Variants in TOR3A observed in about 807,000 individuals in gnomAD.
The protein encoded by TOR3A is torsin-3A.
A neutral mutation model predicts 42.1 loss-of-function variants in TOR3A; 44 were observed. The ratio of observed to expected loss-of-function variants is 1.04; its 90% CI spans 0.82 to 1.34. The LOEUF (loss-of-function observed/expected upper bound fraction) is 1.34. TOR3A is among the 40% of genes most tolerant of loss of function. The pLI is 0.00. For synonymous variants in TOR3A, 227 were observed against 213.2 expected, an observed-to-expected ratio of 1.06 and a Z score of -0.57; for missense variants, 521 against 507.6, an observed-to-expected ratio of 1.03 and a Z score of -0.25.
chr1:179,095,057 C>G lies in TOR3A; in HGVS notation c.1033C>G (p.Leu345Val). Residue 345 changes from leucine (L) to valine (V), a missense_variant, in exon 6 of 6, where the codon CTG (leucine) becomes GTG (valine). Coordinates refer to ENST00000367627, the MANE Select transcript of TOR3A (RefSeq NM_022371.4). Reference protein sequence around the residue: ...FLPLEYRHVRLCARDAFLSQE... With the variant: ...FLPLEYRHVRVCARDAFLSQE... ...GCCTTTGGAGTACCGTCACGTGAGG[C>G]TGTGTGCACGGGATGCCTTCCTGAG... The G allele has an allele frequency of 6.2e-7, 1 of 1,614,178 alleles. No individual in the cohort carries two copies. The highest frequency in any genetic ancestry group is 8.5e-7 in the Non-Finnish European group (1 of 1,180,032).
chr1:179,085,648 G>A lies in TOR3A; in HGVS notation c.394G>A (p.Val132Met), dbSNP rs1652414846. ...NFTGLEWDLN[V>M]RLHGQHLVQQ... ...CTTAGGCTTAGAGTGGGACCTGAAT[G>A]TGCGGCTGCATGGCCAGCATTTGGT... The change falls in exon 3 of 6, where the codon GTG becomes ATG. Residue 132 changes from valine to methionine, a missense_variant. Physicochemically the swap from Val to Met is conservative, Grantham distance 21. Transcript: ENST00000367627. The A allele has an allele frequency of 6.2e-7, 1 of 1,614,146 alleles. No homozygotes were observed. The highest frequency in any genetic ancestry group is 1.7e-5 in the Admixed American group (1 of 60,014).
At position 179,083,018 on chromosome 1, in the gene TOR3A, C is replaced by T. The variant is rs950192859; in HGVS notation, c.338C>T (p.Pro113Leu). 6 of 1,577,154 alleles carry T rather than the reference C, an allele frequency of 3.8e-6. No individual in the cohort carries two copies. In the African/African-American group the frequency reaches 6.8e-5, roughly 18 times the overall value. Residue 113 changes from proline (P) to leucine (L), a missense_variant, in exon 2 of 6, where the codon CCT becomes CTT. Physicochemically the swap from Pro to Leu is moderately conservative, Grantham distance 98. Transcript: ENST00000367627. ...TWYCSFKDCC[P>L]RGDCRISNNF... ...TACTGCAGCTTCAAAGACTGCTGCC[C>T]TAGAGGGGATTGCAGAATCTCCAAC...
rs536404301 is a variant in TOR3A, at chr1:179,090,947, T to C, written c.818+2858T>C. Reference sequence around the variant, plus strand: ...ACAGAACTACACAAATAGAAATTATTTGTGGAGTCGTGGTGGGCCTTGCGC... The same window carrying C: ...ACAGAACTACACAAATAGAAATTATCTGTGGAGTCGTGGTGGGCCTTGCGC... On this transcript the variant is annotated intron_variant, in intron 4 of 5. Transcript: ENST00000367627. Among the ~76,000 whole-genome samples, 74 of 152,266 alleles carry C rather than the reference T, an allele frequency of 4.9e-4. 1 individual carries two copies. Among genetic ancestry groups the C allele is most frequent in the African/African-American group, 1.7e-3 (72 of 41,558 alleles).
chr1:179,094,551 T>C lies in TOR3A; in HGVS notation c.943+334T>C, dbSNP rs75021103. Among the ~76,000 whole-genome samples the C allele has an allele frequency of 8.1e-4, 124 of 152,250 alleles. 2 individuals carry two copies. In the East Asian group the frequency reaches 0.023, roughly 28 times the overall value. On this transcript the variant is annotated intron_variant, in intron 5 of 5. Coordinates refer to ENST00000367627, the MANE Select transcript of TOR3A (RefSeq NM_022371.4). ...TGACATACGCTGCAGACAGCACTCC[T>C]GGAGTTGAGAGATGAGATCCAACCT...
rs368459792 is a variant in TOR3A at position 179,087,738 on chromosome 1, A to C, written c.640-173A>C. Among the ~76,000 whole-genome samples, 7 of 147,742 alleles carry C rather than the reference A, an allele frequency of 4.7e-5. No homozygotes were observed. In the East Asian group the frequency reaches 6.4e-4, roughly 13 times the overall value. ...AATCACCTGGGAGCTGGTCAGATGC[A>C]AATGTCCTAGGCCCTCCCCAAGAGC... On this transcript the variant is annotated intron_variant, in intron 3 of 5. Coordinates refer to ENST00000367627, the MANE Select transcript of TOR3A (RefSeq NM_022371.4).
At chr1:179,093,392 G>A (rs1309556157) in intron 4 of TOR3A, among the ~76,000 whole-genome samples, 1 of 152,208 alleles carries the variant, frequency 6.6e-6, no homozygotes, top group East Asian at 1.9e-4. Context: ...ACCTTTCCGT[G>A]TTCCACCTCT....
chr1:179,095,397 CCTTTTT>C lies in TOR3A; in HGVS notation c.*186_*191del. 6 of 1,451,308 alleles carry C rather than the reference CCTTTTT, an allele frequency of 4.1e-6. No homozygotes were observed. The highest frequency in any genetic ancestry group is 4.5e-6 in the Non-Finnish European group (5 of 1,109,522). 89.9% of individuals were successfully genotyped at this position (1,451,308 alleles called of 1,614,324 possible). ...GCCTTACATTAGAAGCCAAGCCAAT[CCTTTTT>C]CTTTTTTTTGGAGGTCCCACCGAGA... On this transcript the variant is annotated 3_prime_UTR_variant, in exon 6 of 6. Coordinates refer to ENST00000367627, the MANE Select transcript of TOR3A (RefSeq NM_022371.4).
chr1:179,091,133 C>A (rs574205728), intron 4 of TOR3A, among the ~76,000 whole-genome samples: 8 of 152,256 alleles, frequency 5.3e-5, no homozygotes, highest in Admixed American at 2.0e-4. Flanking sequence ...GGGTTTGTTA[C>A]CAGTAACAAC....
chr1:179,082,290 G>T lies in TOR3A; in HGVS notation c.162G>T (p.Ala54=). 1.9e-6 allele frequency: 3 copies of T among 1,583,062 alleles called. No individual in the cohort carries two copies. Among genetic ancestry groups the T allele is most frequent in the South Asian group, 1.1e-5 (1 of 88,128 alleles). Residue 54 remains alanine, a synonymous_variant, in exon 1 of 6, where the codon GCG becomes GCT. Transcript: ENST00000367627. The stretch of plus-strand genomic sequence containing the variant: ...AGCGCCTGCAGGAGCAGCTCAGGGC[G>T]GCGGGTGCCCTCTCCAAGCGGTACT... ...GFQRLQEQLR[A]AGALSKRYWT... is the part of the protein sequence containing the mutation.
At position 179,091,008 on chromosome 1, in the gene TOR3A, A is replaced by G. The variant is rs1471919010; in HGVS notation, c.818+2919A>G. Among the ~76,000 whole-genome samples the G allele has an allele frequency of 2.6e-5, 4 of 152,188 alleles. No homozygotes were observed. In the East Asian group the frequency reaches 5.8e-4, roughly 22 times the overall value. On this transcript the variant is annotated intron_variant, in intron 4 of 5. Transcript: ENST00000367627. Reference sequence around the variant, plus strand: ...AGTGTCTGTTGGCTGCCTGTTGACTAATGAGAGGACAGCTTAGATTGGTCC... The same window carrying G: ...AGTGTCTGTTGGCTGCCTGTTGACTGATGAGAGGACAGCTTAGATTGGTCC...
chr1:179,089,875 C>T (rs1469050661), intron 4 of TOR3A, among the ~76,000 whole-genome samples: 5 of 152,250 alleles, frequency 3.3e-5, no homozygotes, highest in African/African-American at 9.6e-5. Context: ...AGGGGTCTCC[C>T]GGCTTCAGGT....
Position 179,087,983 on chromosome 1 carries a change from G to T in TOR3A, c.712G>T (p.Glu238Ter), listed in dbSNP as rs781625506. 2 of 1,613,386 alleles carry T rather than the reference G, an allele frequency of 1.2e-6. No individual in the cohort carries two copies. The highest frequency in any genetic ancestry group is 1.7e-6 in the Non-Finnish European group (2 of 1,179,730). Residue 238 changes from glutamate (E) to a stop codon, truncating the protein, a stop_gained, in exon 4 of 6, where the codon GAG becomes TAG. Coordinates refer to ENST00000367627, the MANE Select transcript of TOR3A (RefSeq NM_022371.4). LOFTEE classifies it high-confidence loss of function. ...GACCCTGTTCATCTTCGATGAAGCGGAGAAGCTGCACCCAGGGCTGCTGGA... is the reference window on the plus strand; with the variant it reads ...GACCCTGTTCATCTTCGATGAAGCGTAGAAGCTGCACCCAGGGCTGCTGGA... ...HQTLFIFDEA[E>*]KLHPGLLEVL...
intron 4 of TOR3A, among the ~76,000 whole-genome samples, chr1:179,092,168 T>C (rs1224113839): frequency 1.3e-5 from 2 of 152,216 alleles, no homozygotes; most frequent in Non-Finnish European, 2.9e-5. Flanking sequence ...TGCCCAGCCT[T>C]AGCCTCTACG....
chr1:179,095,890 T>C lies in TOR3A; in HGVS notation c.*672T>C, dbSNP rs904203327. ...TCAGTGTAGGCCAAGACTTATGGTC[T>C]ACAGATTTTGGCGGGGGAGGGGGGA... On this transcript the variant is annotated 3_prime_UTR_variant, in exon 6 of 6. Coordinates refer to ENST00000367627, the MANE Select transcript of TOR3A (RefSeq NM_022371.4). 10 of 983,976 alleles carry C rather than the reference T, an allele frequency of 1.0e-5. No homozygotes were observed. Among genetic ancestry groups the C allele is most frequent in the Non-Finnish European group, 6.0e-6 (5 of 829,810 alleles). 61.0% of individuals were successfully genotyped at this position (983,976 alleles called of 1,614,324 possible).
chr1:179,085,795 G>A lies in TOR3A; in HGVS notation c.541G>A (p.Val181Met), dbSNP rs1419960875. ...CAAGAACTTCGTGGCACGGATGCTG[G>A]TGGAGAACCTGTATCGGGACGGGCT... ...TGKNFVARML[V>M]ENLYRDGLMS... is the part of the protein sequence containing the mutation. Residue 181 changes from valine to methionine, a missense_variant, in exon 3 of 6, where the codon GTG becomes ATG. Val to Met is a conservative substitution (Grantham distance 21). Coordinates refer to ENST00000367627, the MANE Select transcript of TOR3A (RefSeq NM_022371.4). 2 of 1,614,206 alleles carry A rather than the reference G, an allele frequency of 1.2e-6. No homozygotes were observed. The highest frequency in any genetic ancestry group is 2.2e-5 in the East Asian group (1 of 44,890).
At chr1:179,090,910 C>T (rs527748315) in intron 4 of TOR3A, among the ~76,000 whole-genome samples, 8 of 152,244 alleles carry the variant, frequency 5.3e-5, no homozygotes, top group African/African-American at 1.9e-4. Flanking sequence ...ATAGAAAGGA[C>T]TTTGAAAAAT....
At position 179,086,006 on chromosome 1, in the gene TOR3A, T is replaced by C. The variant is rs1652424921; in HGVS notation, c.639+113T>C. On this transcript the variant is annotated intron_variant, in intron 3 of 5. Transcript: ENST00000367627. ...AGAAGCCTGGGGAGGTGGGGACAGG[T>C]GGCAGAACCTGTGACAGAGCCACTC... 4 of 1,343,426 alleles carry C rather than the reference T, an allele frequency of 3.0e-6. No individual in the cohort carries two copies. In the Admixed American group the frequency reaches 8.8e-5, roughly 30 times the overall value. The allele number at this position is 1,343,426 out of a possible 1,614,324, so 83.2% of individuals were successfully genotyped here.
At chr1:179,092,760 G>C (rs966489461) in intron 4 of TOR3A, among the ~76,000 whole-genome samples, 3 of 152,038 alleles carry the variant, frequency 2.0e-5, no homozygotes, top group African/African-American at 7.2e-5. Context: ...AGAATCTCTT[G>C]AATCCGGGAG....
intron 3 of TOR3A, 34 bp downstream of exon 3, chr1:179,085,927 T>C: frequency 6.3e-7 from 1 of 1,599,898 alleles, no homozygotes; most frequent in Non-Finnish European, 8.5e-7. Flanking sequence ...GAGGCCTCTG[T>C]GCTGGGAGGG....
Sources: allele counts gnomAD v4.1 joint callset (sites outside exome capture counted in the v4.1 genomes callset), GRCh38; gene constraint gnomAD v4.1.1; transcripts MANE v1.5; gene names NCBI Gene and HGNC (gene_info 2026-07-23, HGNC 2026-07-21).